Variants in PTPN20 observed in about 807,000 individuals in gnomAD.
The protein encoded by PTPN20 is protein tyrosine phosphatase non-receptor type 20, also known as tyrosine-protein phosphatase non-receptor type 20.
In PTPN20, 9 loss-of-function variants were observed where a neutral mutation model predicts 35.0. The ratio of observed to expected loss-of-function variants is 0.26; its 90% confidence interval spans 0.15 to 0.45. The LOEUF is 0.45. Ranked by LOEUF, PTPN20 falls within the 20% of genes least tolerant of loss-of-function variation. The pLI is 1.00. For synonymous variants in PTPN20, 32 were observed against 100.2 expected (o/e 0.32, Z 4.06); for missense variants, 111 against 312.5 (o/e 0.36, Z 4.86).
At chr10:46,945,486 A>G (rs1304101026) in intron 4 of PTPN20, among the ~76,000 whole-genome samples, 1 of 152,342 alleles carries the variant, frequency 6.6e-6, no homozygotes, top group African/African-American at 2.4e-5. Flanking sequence ...CATACAGTGC[A>G]TGTAGGAAAT....
chr10:46,950,982 C>G (rs1262672903), intron 5 of PTPN20, among the ~76,000 whole-genome samples: 5 of 146,576 alleles, frequency 3.4e-5, no homozygotes, highest in Non-Finnish European at 7.4e-5. Flanking sequence ...TATATTCACC[C>G]ATTCTCCAGT....
rs2060078374 is a variant in PTPN20 at position 47,001,985 on chromosome 10, A to C, written c.*1244A>C. On this transcript the variant is annotated 3_prime_UTR_variant, in exon 11 of 11. Transcript: ENST00000374339. The stretch of plus-strand genomic sequence containing the variant: ...ATCAGAATATTCTATGTATTGAGAA[A>C]ATGTTTAATATCAATCTATAAATCT... 1 of 152,122 alleles carries C rather than the reference A, an allele frequency of 6.6e-6. No homozygotes were observed. Among genetic ancestry groups the C allele is most frequent in the Non-Finnish European group, 1.5e-5 (1 of 67,982 alleles). The allele number at this position is 152,122 out of a possible 1,614,324, so 9.4% of individuals were successfully genotyped here.
chr10:46,989,334 TAG>T lies in PTPN20; in HGVS notation c.1134+1782_1134+1783del, dbSNP rs1287931881. On this transcript the variant is annotated intron_variant, in intron 9 of 10. Transcript: ENST00000374339. ...ATGTTCCTTCTATGCCTCATTTGTT[TAG>T]AGTTTTTTTTTTTTATCATGAAAGC... Among the ~76,000 whole-genome samples, 8 of 97,760 alleles carry T rather than the reference TAG, an allele frequency of 8.2e-5. 2 individuals are homozygous for T. Among genetic ancestry groups the T allele is most frequent in the African/African-American group, 3.4e-4 (7 of 20,786 alleles). The allele number at this position is 97,760 out of a possible 152,430, so 64.1% of individuals were successfully genotyped here. A position where few individuals can be genotyped will look rare whatever the true frequency, so the allele number is the denominator to read the frequency against.
intron 5 of PTPN20, among the ~76,000 whole-genome samples, chr10:46,949,526 T>C (rs1354990164): frequency 2.6e-4 from 39 of 152,056 alleles, no homozygotes; most frequent in Non-Finnish European, 3.7e-4. Context: ...CTCAGCTCTC[T>C]AATGGGTTCA....
chr10:46,975,881 G>T (rs1402468743), intron 7 of PTPN20, among the ~76,000 whole-genome samples: 14 of 151,004 alleles, frequency 9.3e-5, no homozygotes, highest in Non-Finnish European at 1.8e-4. Flanking sequence ...GGCTGGTCTC[G>T]AACTCCTGAC....
At chr10:46,975,608 GC>G (rs1363192634) in intron 7 of PTPN20, among the ~76,000 whole-genome samples, 3 of 152,000 alleles carry the variant, frequency 2.0e-5, no homozygotes, top group Non-Finnish European at 4.4e-5. Context: ...TCAAACCCAG[GC>G]CTAACCACCA....
intron 7 of PTPN20, among the ~76,000 whole-genome samples, chr10:46,975,684 G>A (rs1244086170): frequency 6.6e-6 from 1 of 151,674 alleles, no homozygotes; most frequent in Non-Finnish European, 1.5e-5. Context: ...CTCCTTTTGA[G>A]ATGGAGTCTC....
intron 7 of PTPN20, among the ~76,000 whole-genome samples, chr10:46,983,178 G>A (rs2056069647): frequency 6.6e-6 from 1 of 150,966 alleles, no homozygotes; most frequent in East Asian, 1.9e-4. Context: ...CCTGGTTCAA[G>A]CGATTCTCCT....
chr10:46,976,696 A>G (rs1422775392), intron 7 of PTPN20, among the ~76,000 whole-genome samples: 2 of 121,138 alleles, frequency 1.7e-5, no homozygotes, highest in Admixed American at 7.7e-5. Flanking sequence ...ATCTTCCTTT[A>G]GTTGTAATTT....
chr10:46,999,096 T>TA (rs1489327529), intron 9 of PTPN20, among the ~76,000 whole-genome samples: 1 of 152,124 alleles, frequency 6.6e-6, no homozygotes, highest in Non-Finnish European at 1.5e-5. Context: ...ACCCTGTCTC[T>TA]AAAAAACTAA....
At chr10:46,983,597 G>T (rs2056190816) in intron 7 of PTPN20, among the ~76,000 whole-genome samples, 1 of 111,692 alleles carries the variant, frequency 9.0e-6, no homozygotes, top group East Asian at 2.8e-4. Context: ...CATGTTAGAT[G>T]AGTCCCATAT....
At chr10:46,947,454 A>G (rs1310139350) in intron 5 of PTPN20, among the ~76,000 whole-genome samples, 4 of 150,516 alleles carry the variant, frequency 2.7e-5, no homozygotes, top group African/African-American at 4.9e-5. Flanking sequence ...GTTTATAAGA[A>G]TATGCTTTTA....
chr10:46,995,908 A>G (rs1239697218), intron 9 of PTPN20, among the ~76,000 whole-genome samples: 1 of 152,206 alleles, frequency 6.6e-6, no homozygotes, highest in African/African-American at 2.4e-5. Context: ...CTGTGGATCC[A>G]GGAACTGTCT....
chr10:46,995,095 A>C (rs2137664608), intron 9 of PTPN20, among the ~76,000 whole-genome samples: 1 of 152,280 alleles, frequency 6.6e-6, no homozygotes, highest in African/African-American at 2.4e-5. Context: ...GGGAGCTCTT[A>C]TATGGCTATC....
At position 46,953,343 on chromosome 10, in the gene PTPN20, C is replaced by A. The variant is rs1406825338; in HGVS notation, c.340+6668C>A. The stretch of plus-strand genomic sequence containing the variant: ...TATATGCCTTTCATTTCTTTTCTTT[C>A]TTTCTTTCTTTCTTTCTTTCTTTCT... On this transcript the variant is annotated intron_variant, in intron 5 of 10. Transcript: ENST00000374339. Among the ~76,000 whole-genome samples, 7 of 92,460 alleles carry A rather than the reference C, an allele frequency of 7.6e-5. 1 individual carries two copies. The highest frequency in any genetic ancestry group is 4.3e-4 in the African/African-American group (7 of 16,250). The allele number at this position is 92,460 out of a possible 152,430, so 60.7% of individuals were successfully genotyped here. A position where few individuals can be genotyped will look rare whatever the true frequency, so the allele number is the denominator to read the frequency against.
chr10:46,995,932 G>C (rs1379685172), intron 9 of PTPN20, among the ~76,000 whole-genome samples: 1 of 152,042 alleles, frequency 6.6e-6, no homozygotes, highest in African/African-American at 2.4e-5. Context: ...CCTCGTATTT[G>C]ATTTCTGGGA....
chr10:47,003,553 A>G (rs1173065074), downstream of PTPN20, among the ~76,000 whole-genome samples: 5 of 137,234 alleles, frequency 3.6e-5, no homozygotes, highest in African/African-American at 1.0e-4. Flanking sequence ...CTCTATATCT[A>G]TTAGTCTGTC....
rs1221620211 is a variant in PTPN20, at chr10:46,949,248, T to A, written c.340+2573T>A. ...GCTCTCAGTCTTTCTTATGAGCACC[T>A]GTTGGAGGTCTGTGAACTTGAGTCT... On this transcript the variant is annotated intron_variant, in intron 5 of 10. Coordinates refer to ENST00000374339, the MANE Select transcript of PTPN20 (RefSeq NM_001042357.5). Among the ~76,000 whole-genome samples the A allele has an allele frequency of 1.7e-4, 26 of 152,290 alleles. No individual in the cohort carries two copies. The South Asian group carries it at 5.0e-3, about 29-fold the overall frequency.
At chr10:46,998,577 A>G (rs1009318510) in intron 9 of PTPN20, among the ~76,000 whole-genome samples, 33 of 152,156 alleles carry the variant, frequency 2.2e-4, no homozygotes, top group African/African-American at 7.0e-4. Flanking sequence ...TAGTTACATG[A>G]ATCTTCACAT....
Sources: allele counts gnomAD v4.1 joint callset (sites outside exome capture counted in the v4.1 genomes callset), GRCh38; gene constraint gnomAD v4.1.1; transcripts MANE v1.5; gene names NCBI Gene and HGNC (gene_info 2026-07-23, HGNC 2026-07-21).